The following ARHGAP21 variants were observed in gnomAD, a reference collection of about 807,000 sequenced individuals.
The protein encoded by ARHGAP21 is rho GTPase-activating protein 21.
Under a neutral mutation model 164.6 loss-of-function variants are expected in ARHGAP21, and 38 were observed. That is an observed-to-expected ratio of 0.23 (90% CI 0.18 to 0.30). The LOEUF (loss-of-function observed/expected upper bound fraction) is 0.30, where lower values mean the gene tolerates loss of function less well. Among genes scored for constraint, ARHGAP21 ranks in the 10% least tolerant of loss-of-function variants. The probability of loss-of-function intolerance (pLI) is 1.00; values close to 1 mark genes in which losing one functional copy is unlikely to be tolerated. For synonymous variants in ARHGAP21, 766 were observed against 857.9 expected (o/e 0.89, Z 1.87); for missense variants, 1,822 against 2,370.7 (o/e 0.77, Z 4.81).
At chr10:24,619,184 C>T (rs767826749) in intron 9 of ARHGAP21, among the ~76,000 whole-genome samples, 11 of 151,934 alleles carry the variant, frequency 7.2e-5, no homozygotes, top group Non-Finnish European at 1.5e-4. Context: ...TAATTTGCTT[C>T]GCTGATTTCC....
At chr10:24,702,217 A>G (rs893893770) in intron 2 of ARHGAP21, among the ~76,000 whole-genome samples, 2 of 132,382 alleles carry the variant, frequency 1.5e-5, no homozygotes, top group African/African-American at 2.9e-5. Flanking sequence ...TGCAAGTTCC[A>G]TTTCCCGGGT....
At chr10:24,597,794 T>C (rs948871628) in intron 15 of ARHGAP21, 151 bp downstream of exon 15, 13 of 1,056,168 alleles carry the variant, frequency 1.2e-5, no homozygotes, top group African/African-American at 6.4e-5. Flanking sequence ...CGCCCATTAC[T>C]ATATGGGAAA....
chr10:24,629,273 G>A (rs933107393), intron 7 of ARHGAP21: 8 of 151,438 alleles, frequency 5.3e-5, no homozygotes, highest in Non-Finnish European at 8.8e-5. Context: ...AAAGTGCTGG[G>A]ATTACAGGCG....
rs143457984 is a variant in ARHGAP21, at chr10:24,612,057, C to G, written c.2423-4154G>C. On this transcript the variant is annotated intron_variant, in intron 9 of 25. Coordinates refer to ENST00000396432, the MANE Select transcript of ARHGAP21 (RefSeq NM_020824.4). ...ATGAGGCACGTTTCTCACAGCTGAC[C>G]ATAATTACAAAGAAGCATATAATTA... Among the ~76,000 whole-genome samples, 113 of 152,166 alleles carry G rather than the reference C, an allele frequency of 7.4e-4. No individual in the cohort carries two copies. In the East Asian group the frequency reaches 0.02, roughly 27 times the overall value.
chr10:24,602,218 T>C, intron 12 of ARHGAP21, 115 bp from the exon 13 acceptor site: 1 of 1,205,116 alleles, frequency 8.3e-7, no homozygotes, highest in Non-Finnish European at 1.1e-6. Context: ...AGGGCTATTT[T>C]TGAAAAATCC....
intron 2 of ARHGAP21, among the ~76,000 whole-genome samples, chr10:24,684,918 C>T (rs562781829): frequency 1.3e-5 from 2 of 152,268 alleles, no homozygotes; most frequent in East Asian, 3.9e-4. Context: ...GGATTACAGG[C>T]GTGAGCCACC....
chr10:24,710,066 C>T (rs1844632655), intron 2 of ARHGAP21, among the ~76,000 whole-genome samples: 2 of 152,144 alleles, frequency 1.3e-5, no homozygotes, highest in African/African-American at 4.8e-5. Flanking sequence ...AAAAGTTGTT[C>T]TTTCTGAGAA....
intron 9 of ARHGAP21, among the ~76,000 whole-genome samples, chr10:24,611,433 G>A (rs374786910): frequency 6.6e-6 from 1 of 152,310 alleles, no homozygotes; most frequent in East Asian, 1.9e-4. Flanking sequence ...GCCAGGCGCG[G>A]TGGCTCATGC....
chr10:24,618,607 G>GCTGTACCTGTCC (rs1374922049), intron 9 of ARHGAP21, among the ~76,000 whole-genome samples: 2 of 152,180 alleles, frequency 1.3e-5, no homozygotes, highest in African/African-American at 4.8e-5. Flanking sequence ...TTAGAAACCA[G>GCTGTACCTGTCC]CTGTACCTGT....
chr10:24,629,668 A>T, intron 7 of ARHGAP21: 1 of 234,640 alleles, frequency 4.3e-6, no homozygotes. Flanking sequence ...ATTCCTGGGG[A>T]TATGCACTTG....
At chr10:24,644,101 T>G (rs180743318) in intron 4 of ARHGAP21, among the ~76,000 whole-genome samples, 38 of 152,226 alleles carry the variant, frequency 2.5e-4, no homozygotes, top group African/African-American at 8.9e-4. Flanking sequence ...AATTGCTATA[T>G]CCTCAACTTT....
At chr10:24,602,196 T>C in intron 12 of ARHGAP21, 93 bp from the exon 13 acceptor site, 1 of 1,427,342 alleles carries the variant, frequency 7.0e-7, no homozygotes, top group African/African-American at 1.5e-5. Flanking sequence ...CTTTATTTAA[T>C]GTTTCAAGTG....
intron 21 of ARHGAP21, 49 bp from the exon 22 acceptor site, chr10:24,592,061 G>GTAGGCTGAAATTGCC (rs767250188): frequency 7.0e-7 from 1 of 1,425,002 alleles, no homozygotes; most frequent in East Asian, 2.4e-5. Flanking sequence ...TCTTAAGGAA[G>GTAGGCTGAAATTGCC]TAGGCTGAAA....
At chr10:24,692,161 G>A (rs1382623981) in intron 2 of ARHGAP21, among the ~76,000 whole-genome samples, 1 of 152,216 alleles carries the variant, frequency 6.6e-6, no homozygotes, top group East Asian at 1.9e-4. Context: ...GAGGAATGGT[G>A]TTGGGAGGGA....
chr10:24,694,495 C>T (rs562547131), intron 2 of ARHGAP21, among the ~76,000 whole-genome samples: 158 of 152,298 alleles, frequency 1.0e-3, no homozygotes, highest in Non-Finnish European at 2.0e-3. Context: ...GCTGAAGGTA[C>T]CTATGTGACC....
chr10:24,632,988 T>A (rs952860646), intron 6 of ARHGAP21, among the ~76,000 whole-genome samples: 3 of 152,174 alleles, frequency 2.0e-5, no homozygotes, highest in Non-Finnish European at 2.9e-5. Flanking sequence ...GTTGTCTTGG[T>A]TAGAACAAAT....
chr10:24,709,193 C>T (rs982901383), intron 2 of ARHGAP21, among the ~76,000 whole-genome samples: 1 of 152,136 alleles, frequency 6.6e-6, no homozygotes, highest in Admixed American at 6.5e-5. Context: ...CATACAACCA[C>T]TCAAGGTTGA....
intron 9 of ARHGAP21, among the ~76,000 whole-genome samples, chr10:24,614,124 A>G (rs2077377668): frequency 1.3e-5 from 2 of 152,240 alleles, no homozygotes; most frequent in Non-Finnish European, 2.9e-5. Context: ...TTAATTCTCA[A>G]TTCTAGTACA....
chr10:24,614,198 G>A (rs1207449131), intron 9 of ARHGAP21, among the ~76,000 whole-genome samples: 1 of 152,094 alleles, frequency 6.6e-6, no homozygotes, highest in Non-Finnish European at 1.5e-5. Context: ...GACCTGGTGT[G>A]TTCGATTTTG....
Sources: gnomAD v4.1 joint callset for allele counts (sites outside exome capture counted in the v4.1 genomes callset) on GRCh38, gnomAD v4.1.1 for gene constraint, MANE v1.5 for transcripts, NCBI Gene and HGNC (gene_info 2026-07-23, HGNC 2026-07-21) for gene names.